FAT1: variants seen among roughly 807,000 people sequenced by gnomAD.
FAT1 encodes the protein protocadherin Fat 1.
FAT1 carries 171 observed loss-of-function variants against 329.8 expected under a neutral mutation model. The ratio of observed to expected loss-of-function variants is 0.52; its 90% CI spans 0.46 to 0.59. The LOEUF (loss-of-function observed/expected upper bound fraction) is 0.59, where lower values mean the gene tolerates loss of function less well. Ranked by LOEUF, FAT1 falls within the 20% of genes least tolerant of loss-of-function variation. The pLI, the probability that FAT1 is intolerant of heterozygous loss-of-function variation, is 0.00. For synonymous variants in FAT1, 2,233 were observed against 2,228.6 expected (o/e 1.00, Z -0.06); for missense variants, 5,672 against 5,774.4 (o/e 0.98, Z 0.57).
At chr4:186,636,371 G>T in intron 5 of FAT1, 136 bp from the exon 6 acceptor site, 1 of 874,488 alleles carries the variant, frequency 1.1e-6, no homozygotes, top group Non-Finnish European at 1.8e-6. Flanking sequence ...TGTATGGAAT[G>T]CCTGACAGAA....
At chr4:186,724,970 C>T (rs1256199391), upstream of FAT1, among the ~76,000 whole-genome samples, 1 of 152,080 alleles carries the variant, frequency 6.6e-6, no homozygotes, top group East Asian at 1.9e-4. The surrounding 1 kb of genome is among the most constrained non-coding windows in gnomAD (Gnocchi z 5.3). Context: ...TATAAGCCAT[C>T]TTAGAGGTGA....
rs2126701292 is a variant in FAT1, at chr4:186,709,070, C to T, written c.758G>A (p.Cys253Tyr). 1 of 1,613,924 alleles carries T rather than the reference C, an allele frequency of 6.2e-7. No homozygotes were observed. The highest frequency in any genetic ancestry group is 8.5e-7 in the Non-Finnish European group (1 of 1,179,836). ...TGTCACTGCTGTTATCACCGGAGCA[C>T]ATTCATTGGCCTGTTCGATGTGCAC... ...LTVHIEQANECAPVITAVTLS... is the reference protein window; with the variant it reads ...LTVHIEQANEYAPVITAVTLS... The change falls in exon 2 of 27, where the codon TGT (cysteine) becomes TAT (tyrosine). Residue 253 changes from cysteine (C) to tyrosine (Y), a missense_variant. Physicochemically the swap from Cys to Tyr is radical, Grantham distance 194. Around this residue, in one of 2 missense-constraint regions of FAT1, gnomAD observed 3,966 missense variants for 3,915.2 expected, o/e 1.01. Coordinates refer to ENST00000441802, the MANE Select transcript of FAT1 (RefSeq NM_005245.4).
At chr4:186,610,630 T>TATATAATTTATATAATTTATATAA (rs1320796753) in intron 14 of FAT1, among the ~76,000 whole-genome samples, 1 of 102,882 alleles carries the variant, frequency 9.7e-6, no homozygotes, top group Non-Finnish European at 2.0e-5. Context: ...AAATATAAAT[T>TATATAATTTATATAATTTATATAA]ATATAATTTA....
intron 9 of FAT1, among the ~76,000 whole-genome samples, chr4:186,624,128 C>A (rs774485887): frequency 3.3e-5 from 5 of 149,298 alleles, no homozygotes; most frequent in Non-Finnish European, 7.5e-5. Flanking sequence ...TGCACTGGTG[C>A]TGTTGAACGA....
Position 186,635,882 on chromosome 4 carries a change from T to C in FAT1, c.4183+143A>G. ...ATTGTGAAAAATTTTGCAATCAAAA[T>C]ATTATAGTTGAAAGCAAATTCTCCA... On this transcript the variant is annotated intron_variant, in intron 6 of 26. Transcript: ENST00000441802. 4 of 695,568 alleles carry C rather than the reference T, an allele frequency of 5.8e-6. No homozygotes were observed. In the South Asian group the frequency reaches 8.0e-5, roughly 14 times the overall value. 43.1% of individuals were successfully genotyped at this position (695,568 alleles called of 1,614,324 possible). A position where few individuals can be genotyped will look rare whatever the true frequency, so the allele number is the denominator to read the frequency against.
chr4:186,674,528 T>A (rs1479662656), intron 2 of FAT1, among the ~76,000 whole-genome samples: 2 of 152,020 alleles, frequency 1.3e-5, no homozygotes, highest in Non-Finnish European at 2.9e-5. Context: ...AGGCAACACA[T>A]CCACCAAGGT....
intron 2 of FAT1, among the ~76,000 whole-genome samples, chr4:186,664,906 C>CA (rs1430413705): frequency 1.3e-5 from 2 of 152,158 alleles, no homozygotes; most frequent in East Asian, 3.8e-4. Context: ...TACCTATGCT[C>CA]AGCAATGAAA....
Position 186,609,910 on chromosome 4 carries a change from GT to G in FAT1, c.9958del (p.Thr3320LeufsTer2). 1 of 1,613,032 alleles carries G rather than the reference GT, an allele frequency of 6.2e-7. No homozygotes were observed. The highest frequency in any genetic ancestry group is 8.5e-7 in the Non-Finnish European group (1 of 1,179,008). On this transcript the variant is annotated frameshift_variant, in exon 15 of 27. Transcript: ENST00000441802. LOFTEE classifies it high-confidence loss of function. ...GATATCTGTTACATTAACGTTCACA[GT>G]GGCAACGTCGCTCAGTGAAGGCGTG... is the stretch of plus-strand genomic sequence containing the variant. ...GGTPSLSDVA[T>X]VNVNVTDIND...
chr4:186,723,502 G>C (rs1055328868), intron 1 of FAT1, among the ~76,000 whole-genome samples, 162 bp downstream of exon 1: 1 of 152,176 alleles, frequency 6.6e-6, no homozygotes, highest in Admixed American at 6.5e-5. Flanking sequence ...TTCCCAACTG[G>C]GAAGGACCGA....
At chr4:186,692,585 T>C (rs771047427) in intron 2 of FAT1, among the ~76,000 whole-genome samples, 1 of 152,186 alleles carries the variant, frequency 6.6e-6, no homozygotes, top group African/African-American at 2.4e-5. Flanking sequence ...GTGCTGGGAA[T>C]CTTAGGTTAT....
At chr4:186,698,174 A>G (rs1744126521) in intron 2 of FAT1, among the ~76,000 whole-genome samples, 1 of 152,226 alleles carries the variant, frequency 6.6e-6, no homozygotes. Flanking sequence ...GAGGGTAGAC[A>G]GATGATTACG....
chr4:186,597,245 A>G, intron 24 of FAT1, 74 bp from the exon 25 acceptor site: 2 of 1,395,182 alleles, frequency 1.4e-6, no homozygotes, highest in Admixed American at 2.8e-5. Context: ...ATCCTTAGAG[A>G]CTGAAGACTA....
intron 1 of FAT1, among the ~76,000 whole-genome samples, chr4:186,714,177 G>C (rs116328581): frequency 0.012 from 1,856 of 152,312 alleles, 42 homozygotes; most frequent in African/African-American, 0.043. Context: ...AGAGCAGTCA[G>C]AGGCTGCAGC....
At chr4:186,669,357 G>A (rs1050002657) in intron 2 of FAT1, among the ~76,000 whole-genome samples, 1 of 152,230 alleles carries the variant, frequency 6.6e-6, no homozygotes, top group African/African-American at 2.4e-5. Context: ...GAGAGCGGTC[G>A]TGATGCTGCT....
intron 2 of FAT1, among the ~76,000 whole-genome samples, chr4:186,670,320 G>A (rs1228167971): frequency 6.6e-6 from 1 of 152,164 alleles, no homozygotes; most frequent in Non-Finnish European, 1.5e-5. Flanking sequence ...ATTAAAAGCT[G>A]CTTTGTTCAA....
At chr4:186,692,004 G>A (rs991967830) in intron 2 of FAT1, among the ~76,000 whole-genome samples, 1 of 151,918 alleles carries the variant, frequency 6.6e-6, no homozygotes, top group African/African-American at 2.4e-5. Context: ...AATGGCAGCT[G>A]GGACTTACTA....
chr4:186,689,936 T>C (rs1213382239), intron 2 of FAT1, among the ~76,000 whole-genome samples: 1 of 152,192 alleles, frequency 6.6e-6, no homozygotes, highest in Non-Finnish European at 1.5e-5. Context: ...GAAGATCTCA[T>C]ACCTACTTTT....
chr4:186,589,945 C>T (rs542087189), intron 26 of FAT1, among the ~76,000 whole-genome samples: 15 of 152,084 alleles, frequency 9.9e-5, no homozygotes, highest in African/African-American at 3.1e-4. Context: ...TTTTCATTAA[C>T]CCTCAGACAA....
rs1744783638 is a variant in FAT1, at chr4:186,708,765, C to T, written c.1063G>A (p.Val355Met). ...CCGGCTTTGAACTGTGGAGAAGTCA[C>T]GTGAATGACTTTAACAGAAGAGAAC... The part of the protein sequence containing the change: ...PQFSSVKVIH[V>M]TSPQFKAGPV... The change falls in exon 2 of 27, where the codon GTG (valine) becomes ATG (methionine). Residue 355 changes from valine (V) to methionine (M), a missense_variant. Val to Met is a conservative substitution (Grantham distance 21). This residue lies in a region of FAT1 where 3,966 missense variants were observed against 3,915.2 expected (regional missense o/e 1.01). Coordinates refer to ENST00000441802, the MANE Select transcript of FAT1 (RefSeq NM_005245.4). 8.1e-6 allele frequency: 13 copies of T among 1,613,812 alleles called. No individual in the cohort carries two copies. Among genetic ancestry groups the T allele is most frequent in the African/African-American group, 1.3e-5 (1 of 74,908 alleles).
Sources: gnomAD v4.1 joint callset for allele counts (sites outside exome capture counted in the v4.1 genomes callset) on GRCh38, gnomAD v4.1.1 for gene constraint, gnomAD v4.1.1 regional missense constraint, Gnocchi (gnomAD v3.1) non-coding constraint, MANE v1.5 for transcripts, NCBI Gene and HGNC (gene_info 2026-07-23, HGNC 2026-07-21) for gene names.